RIOK1: variants seen among roughly 807,000 people sequenced by gnomAD.
The protein encoded by RIOK1 is RIO kinase 1.
Under a neutral mutation model 73.5 loss-of-function variants are expected in RIOK1, and 66 were observed. The observed-to-expected ratio is 0.90, with a 90% CI of 0.74 to 1.10. The LOEUF is 1.10. Ranked by LOEUF, RIOK1 falls within the 50% of genes least tolerant of loss-of-function variation. RIOK1 has a pLI of 0.00. For synonymous variants in RIOK1, 224 were observed against 226.8 expected, an observed-to-expected ratio of 0.99 and a Z score of 0.11; for missense variants, 658 against 699.8, an observed-to-expected ratio of 0.94 and a Z score of 0.67.
chr6:7,390,393 C>T lies in RIOK1; in HGVS notation c.71+320C>T, dbSNP rs368189879. On this transcript the variant is annotated intron_variant, in intron 1 of 16. Coordinates refer to ENST00000379834, the MANE Select transcript of RIOK1 (RefSeq NM_031480.3). ...ACATTTAGCGTTCAACAAATACTTA[C>T]TAAGCACTTAATATGTACCACGTTC... 7.2e-5 allele frequency among the ~76,000 whole-genome samples: 11 copies of T among 152,314 alleles called. No individual in the cohort carries two copies. In the South Asian group the frequency reaches 1.2e-3, roughly 17 times the overall value.
At chr6:7,416,960 C>T (rs1388834981) in intron 16 of RIOK1, among the ~76,000 whole-genome samples, 2 of 151,370 alleles carry the variant, frequency 1.3e-5, no homozygotes. Context: ...TAATAATACT[C>T]CAGGTGGGTG....
chr6:7,390,606 G>A (rs557798302), intron 1 of RIOK1, among the ~76,000 whole-genome samples: 1 of 152,310 alleles, frequency 6.6e-6, no homozygotes, highest in East Asian at 1.9e-4. Flanking sequence ...ATGACAAGGA[G>A]CTAATCCTGG....
At position 7,414,242 on chromosome 6, in the gene RIOK1, C is replaced by T; in HGVS notation, c.1448C>T (p.Pro483Leu). 1 of 1,611,280 alleles carries T rather than the reference C, an allele frequency of 6.2e-7. No homozygotes were observed. Among genetic ancestry groups the T allele is most frequent in the Non-Finnish European group, 8.5e-7 (1 of 1,179,082 alleles). ...TGGTTCTTTAATAATTTCAAGGTCC[C>T]TGCACTCCTAGAAAATCAAGTGGAG... ...KKDLSGVQKVPALLENQVEER... is the reference protein window; with the variant it reads ...KKDLSGVQKVLALLENQVEER... The change falls in exon 16 of 17, where the codon CCT becomes CTT. Residue 483 changes from proline to leucine, a missense_variant. Transcript: ENST00000379834.
intron 5 of RIOK1, 113 bp from the exon 6 acceptor site, chr6:7,400,845 A>C: frequency 4.9e-6 from 3 of 614,852 alleles, no homozygotes; most frequent in Non-Finnish European, 8.6e-6. Flanking sequence ...CATTTAGTCA[A>C]CCAGGATAGC....
At chr6:7,394,958 T>C in intron 2 of RIOK1, 95 bp from the exon 3 acceptor site, 1 of 1,546,760 alleles carries the variant, frequency 6.5e-7, no homozygotes, top group East Asian at 2.4e-5. Context: ...TAAGTATTGA[T>C]GCTTTAATAG....
At chr6:7,416,200 G>A (rs948331663) in intron 16 of RIOK1, among the ~76,000 whole-genome samples, 1 of 152,194 alleles carries the variant, frequency 6.6e-6, no homozygotes, top group Non-Finnish European at 1.5e-5. Flanking sequence ...ATACTCAGCT[G>A]CTAGCATATT....
chr6:7,395,081 C>T lies in RIOK1; in HGVS notation c.305C>T (p.Ser102Leu). Residue 102 changes from serine (S) to leucine (L), a missense_variant, in exon 3 of 17, where the codon TCA becomes TTA. Physicochemically the swap from Ser to Leu is moderately radical, Grantham distance 145 (BLOSUM62 -2). Transcript: ENST00000379834. ...AATCGACAGACCTCCGACAGCAGTT[C>T]AGCCAAAATGTCTACTCCAGCAGAC... ...QANRQTSDSS[S>L]AKMSTPADKV... 6.2e-7 allele frequency: 1 copy of T among 1,613,890 alleles called. No individual in the cohort carries two copies. Among genetic ancestry groups the T allele is most frequent in the South Asian group, 1.1e-5 (1 of 91,058 alleles).
chr6:7,404,626 C>T, intron 10 of RIOK1, 71 bp downstream of exon 10: 1 of 1,545,132 alleles, frequency 6.5e-7, no homozygotes, highest in Non-Finnish European at 8.8e-7. Context: ...AAACAAAATC[C>T]CAATCCAAGA....
At chr6:7,390,465 A>T (rs765588527) in intron 1 of RIOK1, among the ~76,000 whole-genome samples, 1 of 152,252 alleles carries the variant, frequency 6.6e-6, no homozygotes, top group Non-Finnish European at 1.5e-5. Flanking sequence ...TCCTGCTGTC[A>T]TGGAACTTTA....
chr6:7,397,352 T>C (rs755337904), intron 4 of RIOK1, among the ~76,000 whole-genome samples: 2 of 152,260 alleles, frequency 1.3e-5, no homozygotes, highest in Non-Finnish European at 2.9e-5. Context: ...TGTGTTCTTA[T>C]GAGGGGAACA....
Position 7,417,327 on chromosome 6 carries a change from A to C in RIOK1, c.1597-4A>C, listed in dbSNP as rs1762032061. The C allele has an allele frequency of 1.3e-6, 2 of 1,508,948 alleles. No individual in the cohort carries two copies. Among genetic ancestry groups the C allele is most frequent in the Admixed American group, 2.5e-5 (1 of 40,704 alleles). The allele number at this position is 1,508,948 out of a possible 1,614,324, so 93.5% of individuals were successfully genotyped here. ...AAGTTGGCTTTTTTGTTTGTTTTTT[A>C]CAGGAAAGAAAAAAGATGGTCAAGG... On this transcript the variant is annotated splice_region_variant and splice_polypyrimidine_tract_variant and intron_variant, in intron 16 of 16. Transcript: ENST00000379834.
intron 5 of RIOK1, among the ~76,000 whole-genome samples, chr6:7,400,263 T>G (rs911427287): frequency 6.6e-6 from 1 of 152,170 alleles, no homozygotes; most frequent in African/African-American, 2.4e-5. Context: ...TCACATATAG[T>G]TTCTGTTGAT....
Position 7,398,700 on chromosome 6 carries a change from ATCGCATCAAAG to A in RIOK1, c.441_451del (p.Tyr147Ter). 6.2e-7 allele frequency: 1 copy of A among 1,612,792 alleles called. No individual in the cohort carries two copies. The highest frequency in any genetic ancestry group is 8.5e-7 in the Non-Finnish European group (1 of 1,179,180). On this transcript the variant is annotated stop_gained and frameshift_variant, in exon 5 of 17. Transcript: ENST00000379834. LOFTEE classifies it high-confidence loss of function. Reference sequence around the variant, plus strand: ...TATACGTTTTTGTTTTTGGTTAGGTATCGCATCAAAGATAAGGCAGACAGAGCAACTGTAGA... The same window carrying A: ...TATACGTTTTTGTTTTTGGTTAGGTAATAAGGCAGACAGAGCAACTGTAGA...
chr6:7,412,718 TAATATC>T (rs1581723767), intron 14 of RIOK1, among the ~76,000 whole-genome samples, 165 bp from the exon 15 acceptor site: 3 of 151,734 alleles, frequency 2.0e-5, no homozygotes, highest in Admixed American at 6.6e-5. Context: ...TAGACAGAAA[TAATATC>T]AATATTATAA....
chr6:7,414,506 C>T (rs2296258), intron 16 of RIOK1, 116 bp downstream of exon 16: 102,427 of 965,818 alleles, frequency 0.11, 7,469 homozygotes, highest in East Asian at 0.34. Context: ...TGATAAGTAC[C>T]TCTAATTACA....
chr6:7,414,865 C>T (rs372594731), intron 16 of RIOK1, among the ~76,000 whole-genome samples: 40 of 152,210 alleles, frequency 2.6e-4, no homozygotes, highest in African/African-American at 8.4e-4. Context: ...AATTGCTCAC[C>T]GTCCTAAGTA....
intron 5 of RIOK1, among the ~76,000 whole-genome samples, chr6:7,400,148 A>T (rs1761574405): frequency 6.6e-6 from 1 of 152,236 alleles, no homozygotes; most frequent in African/African-American, 2.4e-5. Context: ...AAGATTGATT[A>T]TTCTGGCTTG....
chr6:7,396,892 G>GGGGTGTGTGTGTGTGTGTGTGTGT (rs1554141229), intron 4 of RIOK1, 120 bp downstream of exon 4: 3 of 416,450 alleles, frequency 7.2e-6, no homozygotes, highest in Non-Finnish European at 1.3e-5. Flanking sequence ...TCATTATTTT[G>GGGGTGTGTGTGTGTGTGTGTGTGT]GTGTGTGTGT....
In RIOK1 at chr6:7,404,462, C is replaced by T; in HGVS notation, c.899C>T (p.Ala300Val). The change falls in exon 10 of 17, where the codon GCT (alanine) becomes GTT (valine). Residue 300 changes from alanine to valine, a missense_variant. Physicochemically the swap from Ala to Val is moderately conservative, Grantham distance 64. Coordinates refer to ENST00000379834, the MANE Select transcript of RIOK1 (RefSeq NM_031480.3). Reference protein sequence around the residue: ...LKNVQLSESKARELYLQVIQY... With the variant: ...LKNVQLSESKVRELYLQVIQY... ...AATGTCCAGTTATCAGAATCCAAGG[C>T]TCGGGAGTTGTACCTGCAGGTCATT... 1 of 1,614,144 alleles carries T rather than the reference C, an allele frequency of 6.2e-7. No homozygotes were observed. The highest frequency in any genetic ancestry group is 1.1e-5 in the South Asian group (1 of 91,082).
Sources: gnomAD v4.1 joint callset for allele counts (sites outside exome capture counted in the v4.1 genomes callset) on GRCh38, gnomAD v4.1.1 for gene constraint, MANE v1.5 for transcripts, NCBI Gene and HGNC (gene_info 2026-07-23, HGNC 2026-07-21) for gene names.